The following GDAP1 variants were observed in gnomAD, a reference collection of about 807,000 sequenced individuals.
GDAP1 encodes ganglioside induced differentiation associated protein 1, also known as ganglioside-induced differentiation-associated protein 1.
GDAP1 carries 34 observed loss-of-function variants against 40.1 expected under a neutral mutation model. That is an observed-to-expected ratio of 0.85 (90% confidence interval 0.64 to 1.13). The LOEUF (loss-of-function observed/expected upper bound fraction) is 1.13. Among genes scored for constraint, GDAP1 ranks in the 50% most tolerant of loss-of-function variants. The pLI, the probability that GDAP1 is intolerant of heterozygous loss-of-function variation, is 0.00. For synonymous variants in GDAP1, 170 were observed against 157.4 expected (o/e 1.08, Z -0.60); for missense variants, 374 against 433.7 (o/e 0.86, Z 1.22).
At chr8:74,477,968 G>A (rs1806652643) in intron 2 of GDAP1, among the ~76,000 whole-genome samples, 1 of 152,178 alleles carries the variant, frequency 6.6e-6, no homozygotes, top group Non-Finnish European at 1.5e-5. Flanking sequence ...TAGAGGCAGG[G>A]CACTAGTGGG....
intron 2 of GDAP1, among the ~76,000 whole-genome samples, chr8:74,399,897 G>T (rs201955614): frequency 6.3e-5 from 9 of 143,572 alleles, no homozygotes; most frequent in African/African-American, 1.2e-4. Context: ...TAGTTTGATT[G>T]CACTGTCGTC....
intron 2 of GDAP1, among the ~76,000 whole-genome samples, chr8:74,417,755 CTCAAA>C (rs1284905030): frequency 2.5e-5 from 1 of 40,306 alleles, no homozygotes; most frequent in African/African-American, 1.2e-4. Flanking sequence ...GAAACTCCAT[CTCAAA>C]AAAAAAAAAA....
chr8:74,484,948 C>CAGA (rs1806758093), intron 2 of GDAP1, among the ~76,000 whole-genome samples: 2 of 152,068 alleles, frequency 1.3e-5, no homozygotes. Context: ...AACCATTGCC[C>CAGA]AAAGTCTCTT....
Position 74,364,328 on chromosome 8 carries a change from C to G in GDAP1, c.1038C>G (p.Ser346Arg). 1 of 1,614,002 alleles carries G rather than the reference C, an allele frequency of 6.2e-7. No homozygotes were observed. Among genetic ancestry groups the G allele is most frequent in the Non-Finnish European group, 8.5e-7 (1 of 1,179,906 alleles). ...TGCTTTTCAGAAAGAGGCTTGGCAG[C>G]ATGATATTAGCATTTAGACCCAGAC... is the stretch of plus-strand genomic sequence containing the variant. Reference protein sequence around the residue: ...AFMLFRKRLGSMILAFRPRPN... With the variant: ...AFMLFRKRLGRMILAFRPRPN... The change falls in exon 6 of 6, where the codon AGC becomes AGG. Residue 346 changes from serine to arginine, a missense_variant. Physicochemically the swap from Ser to Arg is moderately radical, Grantham distance 110. Transcript: ENST00000220822.
intron 2 of GDAP1, among the ~76,000 whole-genome samples, chr8:74,389,780 G>C (rs557779395): frequency 6.6e-6 from 1 of 152,214 alleles, no homozygotes; most frequent in South Asian, 2.1e-4. Flanking sequence ...TTTCCAACTT[G>C]GTTCAATTCT....
rs774388702 is a variant in GDAP1, at chr8:74,363,049, C to T, written c.690C>T (p.Thr230=). The T allele has an allele frequency of 7.4e-7, 1 of 1,343,176 alleles. No individual in the cohort carries two copies. The highest frequency in any genetic ancestry group is 1.1e-6 in the Non-Finnish European group (1 of 933,106). The allele number at this position is 1,343,176 out of a possible 1,614,324, so 83.2% of individuals were successfully genotyped here. The change falls in exon 5 of 6, where the codon ACC becomes ACT. Residue 230 remains threonine, a synonymous_variant. Transcript: ENST00000220822. ...ETELQRRNEE[T]PEEGQQPWLC... ...AATTGCAAAGAAGAAATGAAGAAACCCCAGGTAGGTTCTCATTTATATTCT... is the reference window on the plus strand; with the variant it reads ...AATTGCAAAGAAGAAATGAAGAAACTCCAGGTAGGTTCTCATTTATATTCT...
At chr8:74,396,213 A>AT (rs1810196394) in intron 2 of GDAP1, among the ~76,000 whole-genome samples, 1 of 152,034 alleles carries the variant, frequency 6.6e-6, no homozygotes, top group Non-Finnish European at 1.5e-5. Context: ...TAAAAAAGAT[A>AT]TTTTTTAACA....
Position 74,405,804 on chromosome 8 carries a change from A to C in GDAP1, c.165+54483A>C, listed in dbSNP as rs949921820. 1.3e-5 allele frequency among the ~76,000 whole-genome samples: 2 copies of C among 150,008 alleles called. 1 individual carries two copies. Among genetic ancestry groups the C allele is most frequent in the African/African-American group, 5.1e-5 (2 of 39,336 alleles). ...TATTGAGGAACTAAAACATGAGTGA[A>C]CATTTACAGGGCAAAAATCTGTCCA... On this transcript the variant is annotated intron_variant, in intron 2 of 2. Coordinates refer to the GDAP1 transcript ENST00000523640.
chr8:74,416,752 C>A (rs1249677553), intron 2 of GDAP1, among the ~76,000 whole-genome samples: 1 of 149,506 alleles, frequency 6.7e-6, no homozygotes, highest in Non-Finnish European at 1.5e-5. Context: ...GCAGCTAGAC[C>A]CACAGGAGTA....
intron 2 of GDAP1, among the ~76,000 whole-genome samples, chr8:74,401,570 G>T (rs185907028): frequency 1.3e-5 from 2 of 149,520 alleles, no homozygotes; most frequent in Admixed American, 6.6e-5. Context: ...GTCATTCTCC[G>T]TCCAGCTTTG....
At chr8:74,478,628 C>T (rs1239480766) in intron 2 of GDAP1, among the ~76,000 whole-genome samples, 1 of 152,110 alleles carries the variant, frequency 6.6e-6, no homozygotes, top group Non-Finnish European at 1.5e-5. Context: ...TAACTTTTCC[C>T]CTAAGACTAA....
At chr8:74,421,399 A>AAAG (rs1805856103) in intron 2 of GDAP1, among the ~76,000 whole-genome samples, 1 of 152,174 alleles carries the variant, frequency 6.6e-6, no homozygotes. Context: ...AGGAAAATAA[A>AAAG]AAGGAAACAA....
intron 2 of GDAP1, among the ~76,000 whole-genome samples, chr8:74,372,511 A>G (rs1016882547): frequency 1.3e-4 from 20 of 152,138 alleles, no homozygotes; most frequent in African/African-American, 3.1e-4. Flanking sequence ...GCATTTCTCT[A>G]ATGGCCAGTG....
chr8:74,375,512 T>G (rs1241044371), intron 2 of GDAP1, among the ~76,000 whole-genome samples: 1 of 152,176 alleles, frequency 6.6e-6, no homozygotes, highest in Non-Finnish European at 1.5e-5. Flanking sequence ...TTAACCACAT[T>G]AACCAAATAA....
intron 2 of GDAP1, among the ~76,000 whole-genome samples, chr8:74,448,230 T>A (rs1443335936): frequency 1.4e-5 from 2 of 140,946 alleles, no homozygotes; most frequent in East Asian, 4.2e-4. Flanking sequence ...GTTTATGAAT[T>A]TCACTAAACA....
At chr8:74,390,982 T>C (rs1810099685) in intron 2 of GDAP1, among the ~76,000 whole-genome samples, 2 of 152,150 alleles carry the variant, frequency 1.3e-5, no homozygotes, top group Non-Finnish European at 2.9e-5. Flanking sequence ...GTTTACACTA[T>C]GAGGGGAAAA....
At chr8:74,423,153 C>T (rs894688877) in intron 2 of GDAP1, among the ~76,000 whole-genome samples, 1 of 146,616 alleles carries the variant, frequency 6.8e-6, no homozygotes, top group African/African-American at 2.5e-5. Context: ...TTTTTGAACA[C>T]CCAATCTGTG....
Position 74,364,882 on chromosome 8 carries a change from G to A in GDAP1, c.*515G>A, listed in dbSNP as rs1256937842. On this transcript the variant is annotated 3_prime_UTR_variant, in exon 6 of 6. Coordinates refer to ENST00000220822, the MANE Select transcript of GDAP1 (RefSeq NM_018972.4). ...ACACATTGCTTTAGTAAGATTAAGT[G>A]CTTATATACTAGAAATTTGATGCTC... 3 of 454,166 alleles carry A rather than the reference G, an allele frequency of 6.6e-6. No individual in the cohort carries two copies. The highest frequency in any genetic ancestry group is 4.7e-5 in the South Asian group (3 of 64,484). The allele number at this position is 454,166 out of a possible 1,614,324, so 28.1% of individuals were successfully genotyped here.
rs539964432 is a variant in GDAP1 at position 74,362,424 on chromosome 8, T to G, written c.579+446T>G. 2.6e-5 allele frequency among the ~76,000 whole-genome samples: 4 copies of G among 152,242 alleles called. No homozygotes were observed. In the East Asian group the frequency reaches 7.7e-4, roughly 29 times the overall value. ...TTGCAAGCTTCTCTCATATTAAAAG[T>G]GTAGAAAACAGCAGCACTCCCAACC... On this transcript the variant is annotated intron_variant, in intron 4 of 5. Transcript: ENST00000220822.
Sources: gnomAD v4.1 joint callset for allele counts (sites outside exome capture counted in the v4.1 genomes callset) on GRCh38, gnomAD v4.1.1 for gene constraint, MANE v1.5 for transcripts, NCBI Gene and HGNC (gene_info 2026-07-23, HGNC 2026-07-21) for gene names.